LRMDA: variants seen among roughly 807,000 people sequenced by gnomAD.
LRMDA encodes leucine rich melanocyte differentiation associated, also known as leucine-rich melanocyte differentiation-associated protein.
LRMDA carries 18 observed loss-of-function variants against 29.8 expected under a neutral mutation model. The ratio of observed to expected loss-of-function variants is 0.60; its 90% CI spans 0.42 to 0.90. The LOEUF (loss-of-function observed/expected upper bound fraction) is 0.90, where lower values mean the gene tolerates loss of function less well. Ranked by LOEUF, LRMDA falls within the 40% of genes least tolerant of loss-of-function variation. The pLI is 0.00. For synonymous variants in LRMDA, 125 were observed against 109.4 expected (o/e 1.14, Z -0.89); for missense variants, 273 against 273.9 (o/e 1.00, Z 0.02).
chr10:75,731,575 CA>C (rs1243410032), intron 2 of LRMDA, among the ~76,000 whole-genome samples: 1 of 152,144 alleles, frequency 6.6e-6, no homozygotes, highest in Admixed American at 6.5e-5. Flanking sequence ...TTAGTGTTGG[CA>C]AAACCTTGAA....
chr10:75,759,724 T>G (rs1843072827), intron 2 of LRMDA, among the ~76,000 whole-genome samples: 1 of 152,234 alleles, frequency 6.6e-6, no homozygotes. Context: ...TTTATGGCAC[T>G]AGATTATGTC....
intron 5 of LRMDA, among the ~76,000 whole-genome samples, chr10:76,069,058 C>A (rs1848832712): frequency 6.6e-6 from 1 of 152,224 alleles, no homozygotes; most frequent in Non-Finnish European, 1.5e-5. Context: ...CTAGAACATC[C>A]AAGTTCCCAG....
chr10:76,445,852 A>G (rs761916246), intron 6 of LRMDA, among the ~76,000 whole-genome samples: 7 of 152,200 alleles, frequency 4.6e-5, no homozygotes, highest in Non-Finnish European at 1.0e-4. Context: ...GGAGAAAAAT[A>G]TAATGTTACT....
chr10:75,824,073 C>A (rs1477511681), intron 2 of LRMDA, among the ~76,000 whole-genome samples: 2 of 152,046 alleles, frequency 1.3e-5, no homozygotes, highest in Non-Finnish European at 2.9e-5. Flanking sequence ...AACTAAAAAA[C>A]CCAGATTTCA....
chr10:75,462,035 A>G lies in LRMDA; in HGVS notation c.131+23541A>G, dbSNP rs578176806. 6.6e-5 allele frequency among the ~76,000 whole-genome samples: 10 copies of G among 152,392 alleles called. No homozygotes were observed. In the South Asian group the frequency reaches 1.9e-3, roughly 28 times the overall value. ...TGACAAATCAAGTACGCTAACTTGC[A>G]TTTGAAACGAAAGTGCCTTAAATGT... On this transcript the variant is annotated intron_variant, in intron 2 of 6. Coordinates refer to ENST00000611255, the MANE Select transcript of LRMDA (RefSeq NM_001305581.2).
At chr10:76,435,002 A>G (rs551768894) in intron 6 of LRMDA, among the ~76,000 whole-genome samples, 6 of 152,298 alleles carry the variant, frequency 3.9e-5, no homozygotes, top group Admixed American at 2.0e-4. Context: ...TTCTCATGAA[A>G]CACAGCCTGG....
chr10:75,447,219 C>T (rs1183075838), intron 2 of LRMDA, among the ~76,000 whole-genome samples: 1 of 152,090 alleles, frequency 6.6e-6, no homozygotes, highest in Non-Finnish European at 1.5e-5. Flanking sequence ...TATTTTTGTT[C>T]CAAGAATATC....
intron 2 of LRMDA, among the ~76,000 whole-genome samples, chr10:76,017,716 A>G (rs1847901263): frequency 6.6e-6 from 1 of 152,136 alleles, no homozygotes; most frequent in South Asian, 2.1e-4. Context: ...ATGACTTCCT[A>G]CACTCAGGCA....
In LRMDA at chr10:76,323,845, C is replaced by T. The variant is rs144215707; in HGVS notation, c.517-556C>T. On this transcript the variant is annotated intron_variant, in intron 5 of 6. Coordinates refer to ENST00000611255, the MANE Select transcript of LRMDA (RefSeq NM_001305581.2). The stretch of plus-strand genomic sequence containing the variant: ...CTACATCCCAAATCCAAATTTCAGA[C>T]GTATTTCTCACTGCTGTTGTTAAAC... Among the ~76,000 whole-genome samples, 220 of 152,290 alleles carry T rather than the reference C, an allele frequency of 1.4e-3. 3 individuals carry two copies. The East Asian group carries it at 0.029, about 20-fold the overall frequency.
chr10:75,727,231 G>T (rs920580466), intron 2 of LRMDA, among the ~76,000 whole-genome samples: 1 of 152,174 alleles, frequency 6.6e-6, no homozygotes, highest in African/African-American at 2.4e-5. Context: ...GTTTCTGTGG[G>T]ATGGAATCTC....
chr10:76,198,653 T>C (rs1257537813), intron 5 of LRMDA, among the ~76,000 whole-genome samples: 1 of 152,198 alleles, frequency 6.6e-6, no homozygotes, highest in East Asian at 1.9e-4. Context: ...AATTGAAAGT[T>C]GGAGGGTGGA....
chr10:76,363,174 AAAGG>A (rs1433901845), intron 6 of LRMDA, among the ~76,000 whole-genome samples: 38 of 18,380 alleles, frequency 2.1e-3, no homozygotes, highest in East Asian at 3.3e-3. Flanking sequence ...AGAAAGAAAG[AAAGG>A]AGGGAGGGAG....
intron 2 of LRMDA, among the ~76,000 whole-genome samples, chr10:75,577,591 T>C (rs1455645541): frequency 1.3e-5 from 2 of 152,114 alleles, no homozygotes; most frequent in Non-Finnish European, 2.9e-5. Flanking sequence ...AATTGTCAGA[T>C]TCACCAAGGT....
At chr10:76,147,185 G>A (rs1216695722) in intron 5 of LRMDA, among the ~76,000 whole-genome samples, 2 of 152,162 alleles carry the variant, frequency 1.3e-5, no homozygotes, top group African/African-American at 4.8e-5. Flanking sequence ...CTCTTGAGGA[G>A]TATCTTTGTG....
At chr10:75,534,805 A>C (rs1255056379) in intron 2 of LRMDA, among the ~76,000 whole-genome samples, 1 of 152,226 alleles carries the variant, frequency 6.6e-6, no homozygotes, top group Non-Finnish European at 1.5e-5. Flanking sequence ...ACTCCTAAGG[A>C]AATAGATATG....
At chr10:75,718,839 C>T (rs923373030) in intron 2 of LRMDA, among the ~76,000 whole-genome samples, 11 of 152,126 alleles carry the variant, frequency 7.2e-5, no homozygotes, top group African/African-American at 2.7e-4. Context: ...TTACTATAGT[C>T]ATATTAACCG....
At chr10:76,382,352 A>G (rs1841602843) in intron 6 of LRMDA, among the ~76,000 whole-genome samples, 1 of 152,214 alleles carries the variant, frequency 6.6e-6, no homozygotes, top group Non-Finnish European at 1.5e-5. Flanking sequence ...GAATTTCACA[A>G]CAAACCTCGA....
At chr10:76,508,170 T>A (rs1842977186) in intron 6 of LRMDA, among the ~76,000 whole-genome samples, 1 of 152,208 alleles carries the variant, frequency 6.6e-6, no homozygotes, top group South Asian at 2.1e-4. Context: ...TGATACCAGC[T>A]TTGATCACTT....
At chr10:76,274,193 A>G (rs1347714150) in intron 5 of LRMDA, among the ~76,000 whole-genome samples, 1 of 152,200 alleles carries the variant, frequency 6.6e-6, no homozygotes, top group Non-Finnish European at 1.5e-5. Flanking sequence ...GATCTTATGA[A>G]GATCTTAAAA....
Sources: allele counts gnomAD v4.1 joint callset (sites outside exome capture counted in the v4.1 genomes callset), GRCh38; gene constraint gnomAD v4.1.1; transcripts MANE v1.5; gene names NCBI Gene and HGNC (gene_info 2026-07-23, HGNC 2026-07-21).